The following UQCC2 variants were observed in gnomAD, a reference collection of about 807,000 sequenced individuals.
The protein encoded by UQCC2 is breast cancer-associated protein SGA-81M.
Under a neutral mutation model 19.9 loss-of-function variants are expected in UQCC2, and 21 were observed. The ratio of observed to expected loss-of-function variants is 1.05; its 90% CI spans 0.75 to 1.52. The LOEUF (loss-of-function observed/expected upper bound fraction) is 1.52. Among genes scored for constraint, UQCC2 ranks in the 40% most tolerant of loss-of-function variants. UQCC2 has a pLI of 0.00. For synonymous variants in UQCC2, 57 were observed against 60.9 expected (o/e 0.94, Z 0.30); for missense variants, 135 against 157.5 (o/e 0.86, Z 0.76).
intron 1 of UQCC2, among the ~76,000 whole-genome samples, chr6:33,705,214 G>T (rs1475743434): frequency 6.6e-6 from 1 of 152,010 alleles, no homozygotes; most frequent in African/African-American, 2.4e-5. Context: ...TGTATTTTTA[G>T]TAGAGATGGG....
At chr6:33,711,199 G>A (rs1332799857) in intron 1 of UQCC2, among the ~76,000 whole-genome samples, 2 of 152,084 alleles carry the variant, frequency 1.3e-5, no homozygotes, top group Non-Finnish European at 2.9e-5. Flanking sequence ...TTTTTGATTT[G>A]TAGAGACGGA....
intron 2 of UQCC2, among the ~76,000 whole-genome samples, chr6:33,701,089 C>G (rs1765634092): frequency 6.6e-6 from 1 of 152,218 alleles, no homozygotes; most frequent in Non-Finnish European, 1.5e-5. Flanking sequence ...CAGGAGCACA[C>G]ACTGGCATAT....
chr6:33,696,806 A>G lies in UQCC2; in HGVS notation c.*847T>C, dbSNP rs918662257. 3 of 152,236 alleles carry G rather than the reference A, an allele frequency of 2.0e-5. No homozygotes were observed. Among genetic ancestry groups the G allele is most frequent in the African/African-American group, 7.2e-5 (3 of 41,470 alleles). The allele number at this position is 152,236 out of a possible 1,614,324, so 9.4% of individuals were successfully genotyped here. On this transcript the variant is annotated 3_prime_UTR_variant, in exon 4 of 4. Coordinates refer to ENST00000607484, the MANE Select transcript of UQCC2 (RefSeq NM_032340.4). ...TCGATTTTATTTTATGCATTTCAGAACATCCTGAGGAGTCTAGACACAGAC... is the reference window on the plus strand; with the variant it reads ...TCGATTTTATTTTATGCATTTCAGAGCATCCTGAGGAGTCTAGACACAGAC...
At chr6:33,707,173 A>C (rs1308632997) in intron 1 of UQCC2, among the ~76,000 whole-genome samples, 1 of 152,264 alleles carries the variant, frequency 6.6e-6, no homozygotes, top group Non-Finnish European at 1.5e-5. Flanking sequence ...GGCGCCATTC[A>C]GAATTGGGAG....
intron 1 of UQCC2, among the ~76,000 whole-genome samples, chr6:33,708,410 A>T (rs1765724994): frequency 6.6e-6 from 1 of 151,752 alleles, no homozygotes; most frequent in South Asian, 2.1e-4. Context: ...TGTTTTTCTG[A>T]TGTTTCCTCA....
intron 2 of UQCC2, among the ~76,000 whole-genome samples, chr6:33,701,005 G>GA (rs1765633149): frequency 6.6e-6 from 1 of 152,226 alleles, no homozygotes; most frequent in African/African-American, 2.4e-5. Context: ...TTTATCACCA[G>GA]AATGTGGGGA....
intron 1 of UQCC2, among the ~76,000 whole-genome samples, chr6:33,706,914 G>A (rs1765706686): frequency 6.6e-6 from 1 of 152,226 alleles, no homozygotes; most frequent in South Asian, 2.1e-4. Context: ...TGAGCCTGGG[G>A]CTCATGTTAG....
At chr6:33,699,682 A>G (rs1360725944) in intron 3 of UQCC2, among the ~76,000 whole-genome samples, 1 of 152,202 alleles carries the variant, frequency 6.6e-6, no homozygotes, top group Non-Finnish European at 1.5e-5. Context: ...CTCAGAAGAG[A>G]GTTTTCTAGA....
rs6942038 is a variant in UQCC2, at chr6:33,707,669, C to T, written c.138+3880G>A. Among the ~76,000 whole-genome samples, 641 of 152,342 alleles carry T rather than the reference C, an allele frequency of 4.2e-3. 4 individuals are homozygous for T. The highest frequency in any genetic ancestry group is 0.014 in the African/African-American group (571 of 41,570). ...GCACCTTGTGCTACATAAGTGGGTG[C>T]TGGTGTGCAGTCCGGGATCTTTTAG... On this transcript the variant is annotated intron_variant, in intron 1 of 3. Transcript: ENST00000607484.
rs534727410 is a variant in UQCC2, at chr6:33,708,442, T to C, written c.138+3107A>G. On this transcript the variant is annotated intron_variant, in intron 1 of 3. Coordinates refer to ENST00000607484, the MANE Select transcript of UQCC2 (RefSeq NM_032340.4). ...CTCATCTGTAAAATGGGAACAGTAA[T>C]GGCTACCACTCAGCTGTACTAAGGA... Among the ~76,000 whole-genome samples, 243 of 152,288 alleles carry C rather than the reference T, an allele frequency of 1.6e-3. 1 individual carries two copies. Among genetic ancestry groups the C allele is most frequent in the African/African-American group, 5.0e-3 (209 of 41,546 alleles).
At chr6:33,700,116 G>A (rs1182173197) in intron 3 of UQCC2, among the ~76,000 whole-genome samples, 1 of 152,136 alleles carries the variant, frequency 6.6e-6, no homozygotes, top group African/African-American at 2.4e-5. Context: ...TGTTTATAAA[G>A]CCCTCTTAAG....
At chr6:33,700,194 CCT>C (rs1398541883) in intron 3 of UQCC2, among the ~76,000 whole-genome samples, 2 of 152,166 alleles carry the variant, frequency 1.3e-5, no homozygotes, top group East Asian at 3.8e-4. Flanking sequence ...AATAGGTATT[CCT>C]CTGTTCCCTG....
In UQCC2 at chr6:33,711,574, G is replaced by T. The variant is rs758762188; in HGVS notation, c.113C>A (p.Ala38Asp). 6.2e-7 allele frequency: 1 copy of T among 1,612,886 alleles called. No individual in the cohort carries two copies. The highest frequency in any genetic ancestry group is 1.3e-5 in the African/African-American group (1 of 74,964). Residue 38 changes from alanine to aspartate, a missense_variant, in exon 1 of 4, where the codon GCC becomes GAC. By Grantham distance (126) the Ala-to-Asp change is moderately radical. Transcript: ENST00000607484. ...CTGGGTATTCTCTCCCTCCCGAAAGGCCTGTGCTACCCGCTGTCGCAGGTA... is the reference window on the plus strand; with the variant it reads ...CTGGGTATTCTCTCCCTCCCGAAAGTCCTGTGCTACCCGCTGTCGCAGGTA... ...GAYLRQRVAQAFREGENTQVA... is the reference protein window; with the variant it reads ...GAYLRQRVAQDFREGENTQVA...
chr6:33,705,205 G>C (rs894038383), intron 1 of UQCC2, among the ~76,000 whole-genome samples: 7 of 151,982 alleles, frequency 4.6e-5, no homozygotes, highest in Non-Finnish European at 4.4e-5. Flanking sequence ...CTAATTTTTT[G>C]TATTTTTAGT....
rs757383788 is a variant in UQCC2, at chr6:33,700,524, G to A, written c.214-11C>T. 2 of 1,614,038 alleles carry A rather than the reference G, an allele frequency of 1.2e-6. No individual in the cohort carries two copies. Among genetic ancestry groups the A allele is most frequent in the South Asian group, 1.1e-5 (1 of 91,078 alleles). ...TCTGGGGCGAGGGTACTGGTCACCG[G>A]GGCAGAAAGGAAGTGAAGGGAGGGG... On this transcript the variant is annotated splice_polypyrimidine_tract_variant and intron_variant, in intron 2 of 3. Transcript: ENST00000607484.
At chr6:33,710,706 G>T (rs1271814043) in intron 1 of UQCC2, among the ~76,000 whole-genome samples, 1 of 152,142 alleles carries the variant, frequency 6.6e-6, no homozygotes, top group African/African-American at 2.4e-5. Flanking sequence ...TGCTTATTGT[G>T]TCCTGAACTA....
chr6:33,700,234 A>G (rs567744531), intron 3 of UQCC2, among the ~76,000 whole-genome samples: 1 of 152,298 alleles, frequency 6.6e-6, no homozygotes, highest in South Asian at 2.1e-4. Context: ...TAAAAGCCCT[A>G]AAGATAGATT....
intron 1 of UQCC2, among the ~76,000 whole-genome samples, chr6:33,704,597 C>A (rs1262913928): frequency 6.6e-6 from 1 of 152,186 alleles, no homozygotes; most frequent in Non-Finnish European, 1.5e-5. Context: ...GGCCGCTTAT[C>A]TGGACCTTCC....
intron 3 of UQCC2, chr6:33,698,110 A>AAAATTTGG (rs1286845698): frequency 1.0e-5 from 2 of 197,236 alleles, no homozygotes; most frequent in Admixed American, 1.1e-4. Flanking sequence ...GCTTCATCGC[A>AAAATTTGG]AAATTTGGCC....
Sources: gnomAD v4.1 joint callset for allele counts (sites outside exome capture counted in the v4.1 genomes callset) on GRCh38, gnomAD v4.1.1 for gene constraint, MANE v1.5 for transcripts, NCBI Gene and HGNC (gene_info 2026-07-23, HGNC 2026-07-21) for gene names.